TTLL11: variants seen among roughly 807,000 people sequenced by gnomAD.
The protein encoded by TTLL11 is tubulin tyrosine ligase like 11.
In TTLL11, 42 loss-of-function variants were observed where a neutral mutation model predicts 51.7. The ratio of observed to expected loss-of-function variants is 0.81; its 90% CI spans 0.64 to 1.05. TTLL11 has a LOEUF of 1.05. TTLL11 is among the 50% of genes least tolerant of loss of function. The probability of loss-of-function intolerance (pLI) is 0.00; values close to 1 mark genes in which losing one functional copy is unlikely to be tolerated. For synonymous variants in TTLL11, 381 were observed against 383.5 expected (o/e 0.99, Z 0.08); for missense variants, 799 against 940.4 (o/e 0.85, Z 1.97).
rs771727549 is a variant in TTLL11, at chr9:121,975,075, T to G, written c.1270-96A>C. 7.1e-5 allele frequency: 67 copies of G among 943,338 alleles called. 1 individual carries two copies. The South Asian group carries it at 1.2e-3, about 17-fold the overall frequency. 58.4% of individuals were successfully genotyped at this position (943,338 alleles called of 1,614,324 possible). A position where few individuals can be genotyped will look rare whatever the true frequency, so the allele number is the denominator to read the frequency against. Reference sequence around the variant, plus strand: ...ATAAATTCAAACTCAGTCCCCAACCTTGGCCTTGACCCTGGCTTCTCTTGT... The same window carrying G: ...ATAAATTCAAACTCAGTCCCCAACCGTGGCCTTGACCCTGGCTTCTCTTGT... On this transcript the variant is annotated intron_variant, in intron 4 of 8. Coordinates refer to ENST00000321582, the MANE Select transcript of TTLL11 (RefSeq NM_001139442.2).
intron 6 of TTLL11, among the ~76,000 whole-genome samples, chr9:121,896,471 C>T (rs1839530368): frequency 6.6e-6 from 1 of 152,228 alleles, no homozygotes; most frequent in South Asian, 2.1e-4. Flanking sequence ...TGCCCAACCT[C>T]TTCGGTGTCA....
At chr9:121,829,656 T>G in intron 8 of TTLL11, among the ~76,000 whole-genome samples, 1 of 152,106 alleles carries the variant, frequency 6.6e-6, no homozygotes. Context: ...AACTTATTTA[T>G]AGTACCACGG....
At chr9:121,920,896 C>A (rs1840516465) in intron 6 of TTLL11, among the ~76,000 whole-genome samples, 1 of 152,230 alleles carries the variant, frequency 6.6e-6, no homozygotes, top group Non-Finnish European at 1.5e-5. Flanking sequence ...CCTAGGACCG[C>A]TTTGCCTGGG....
At chr9:121,899,625 A>G (rs1481319278) in intron 6 of TTLL11, among the ~76,000 whole-genome samples, 2 of 151,868 alleles carry the variant, frequency 1.3e-5, no homozygotes, top group East Asian at 1.9e-4. Context: ...GCTGGTCTTG[A>G]ACTCCTGGCC....
In TTLL11 at chr9:121,820,445, C is replaced by T. The variant is rs552529767; in HGVS notation, c.*2142G>A. Among the ~76,000 whole-genome samples the T allele has an allele frequency of 6.6e-6, 1 of 152,270 alleles. No individual in the cohort carries two copies. The highest frequency in any genetic ancestry group is 1.9e-4 in the East Asian group (1 of 5,172). On this transcript the variant is annotated 3_prime_UTR_variant, in exon 9 of 9. Coordinates refer to ENST00000321582, the MANE Select transcript of TTLL11 (RefSeq NM_001139442.2). ...GGGGACTGGGAGAGCTGCATGGGGGCTTCAAACATTGTTTCTCACAATGGA... is the reference window on the plus strand; with the variant it reads ...GGGGACTGGGAGAGCTGCATGGGGGTTTCAAACATTGTTTCTCACAATGGA...
intron 3 of TTLL11, among the ~76,000 whole-genome samples, chr9:122,015,708 T>A (rs989923423): frequency 6.7e-6 from 1 of 150,022 alleles, no homozygotes; most frequent in African/African-American, 2.5e-5. Flanking sequence ...TTTCTCATGC[T>A]CCGAGCCTGG....
intron 3 of TTLL11, among the ~76,000 whole-genome samples, chr9:122,013,717 G>A (rs1339134217): frequency 1.3e-5 from 2 of 152,134 alleles, no homozygotes; most frequent in Non-Finnish European, 2.9e-5. Context: ...GGTTGCCACA[G>A]CCAGCCCCAC....
chr9:121,857,530 C>T (rs188701127), intron 8 of TTLL11, among the ~76,000 whole-genome samples: 8 of 152,274 alleles, frequency 5.3e-5, no homozygotes, highest in African/African-American at 1.7e-4. Flanking sequence ...GAATTTGCAG[C>T]GATATATGCA....
intron 8 of TTLL11, among the ~76,000 whole-genome samples, chr9:121,836,128 A>G (rs1837172600): frequency 6.6e-6 from 1 of 152,200 alleles, no homozygotes; most frequent in Non-Finnish European, 1.5e-5. Flanking sequence ...TCTGGATGGT[A>G]GATGCTTTTA....
At chr9:121,897,722 C>T (rs971189408) in intron 6 of TTLL11, among the ~76,000 whole-genome samples, 3 of 151,906 alleles carry the variant, frequency 2.0e-5, no homozygotes, top group Non-Finnish European at 4.4e-5. Context: ...CTCAGGGAAG[C>T]TTTCTCTGCC....
At chr9:121,899,365 G>GTA (rs1554766915) in intron 6 of TTLL11, among the ~76,000 whole-genome samples, 69 of 113,220 alleles carry the variant, frequency 6.1e-4, no homozygotes, top group African/African-American at 1.2e-3. Context: ...ATGTGTGTGT[G>GTA]TATATATATA....
At chr9:122,058,739 G>A (rs539594338) in intron 1 of TTLL11, among the ~76,000 whole-genome samples, 51 of 152,244 alleles carry the variant, frequency 3.3e-4, no homozygotes, top group African/African-American at 1.2e-3. Context: ...TAATAGCTGT[G>A]GCCAAATCCA....
At chr9:121,977,522 T>C (rs925960876) in intron 4 of TTLL11, among the ~76,000 whole-genome samples, 1 of 152,194 alleles carries the variant, frequency 6.6e-6, no homozygotes, top group Admixed American at 6.5e-5. Context: ...GGGGCTCATT[T>C]CATATCTTAG....
chr9:121,866,659 C>CA (rs10656322), intron 7 of TTLL11, among the ~76,000 whole-genome samples: 79,426 of 128,946 alleles, frequency 0.62, 23,724 homozygotes, highest in East Asian at 0.87. Context: ...GACTCCATCT[C>CA]AAAAAAAAAA....
At position 121,993,805 on chromosome 9, in the gene TTLL11, C is replaced by T. The variant is rs142980018; in HGVS notation, c.694-4035G>A. On this transcript the variant is annotated intron_variant, in intron 3 of 8. Coordinates refer to ENST00000321582, the MANE Select transcript of TTLL11 (RefSeq NM_001139442.2). ...TTAGCAATGAGGGGCAGGTAAGAGG[C>T]CAATTTCTGAAGAAATACTGTGTCT... 2.1e-3 allele frequency among the ~76,000 whole-genome samples: 321 copies of T among 152,298 alleles called. 3 individuals carry two copies. Among genetic ancestry groups the T allele is most frequent in the Non-Finnish European group, 9.6e-4 (65 of 68,032 alleles).
Position 122,031,816 on chromosome 9 carries a change from T to C in TTLL11, c.600A>G (p.Ala200=), listed in dbSNP as rs1269340010. The change falls in exon 3 of 9, where the codon GCA becomes GCG. Residue 200 remains alanine (A), a synonymous_variant. Transcript: ENST00000321582. ...GAAAGAGATTCTGCATGGTTCTCACTGCTCTGCTCAGAGTAATTTTACGCA... is the reference window on the plus strand; with the variant it reads ...GAAAGAGATTCTGCATGGTTCTCACCGCTCTGCTCAGAGTAATTTTACGCA... The part of the protein sequence containing the change: ...EMVRKITLSR[A]VRTMQNLFPE... 3.7e-6 allele frequency: 6 copies of C among 1,614,152 alleles called. No individual in the cohort carries two copies. The highest frequency in any genetic ancestry group is 5.1e-6 in the Non-Finnish European group (6 of 1,180,014).
At chr9:121,872,510 A>C (rs978872671) in intron 6 of TTLL11, among the ~76,000 whole-genome samples, 2 of 152,208 alleles carry the variant, frequency 1.3e-5, no homozygotes, top group South Asian at 2.1e-4. Context: ...AAAAGTTTGC[A>C]ACGTAAGCCT....
At chr9:121,901,002 T>A (rs1839754867) in intron 6 of TTLL11, among the ~76,000 whole-genome samples, 1 of 152,120 alleles carries the variant, frequency 6.6e-6, no homozygotes, top group African/African-American at 2.4e-5. Context: ...CTTGAACTCC[T>A]GGACTCAAGA....
chr9:121,926,777 C>T (rs1277936518), intron 6 of TTLL11, among the ~76,000 whole-genome samples: 1 of 152,178 alleles, frequency 6.6e-6, no homozygotes, highest in Non-Finnish European at 1.5e-5. Context: ...TATTTTGGCA[C>T]ACTGCTTGTC....
Sources: gnomAD v4.1 joint callset for allele counts (sites outside exome capture counted in the v4.1 genomes callset) on GRCh38, gnomAD v4.1.1 for gene constraint, MANE v1.5 for transcripts, NCBI Gene and HGNC (gene_info 2026-07-23, HGNC 2026-07-21) for gene names.